The following SLC16A7 variants were observed in gnomAD, a reference collection of about 807,000 sequenced individuals.
SLC16A7 encodes monocarboxylate transporter 2.
In SLC16A7, 33 loss-of-function variants were observed where a neutral mutation model predicts 34.9. The ratio of observed to expected loss-of-function variants is 0.94; its 90% confidence interval spans 0.72 to 1.26. SLC16A7 has a LOEUF of 1.26. Ranked by LOEUF, SLC16A7 falls within the 50% of genes most tolerant of loss-of-function variation. The pLI is 0.00. For synonymous variants in SLC16A7, 201 were observed against 206.6 expected (o/e 0.97, Z 0.23); for missense variants, 573 against 578.1 (o/e 0.99, Z 0.09).
chr12:59,670,845 GC>G (rs1325359033), intron 2 of SLC16A7, among the ~76,000 whole-genome samples: 3 of 152,158 alleles, frequency 2.0e-5, no homozygotes, highest in Non-Finnish European at 2.9e-5. Flanking sequence ...CAGTAACTCT[GC>G]CCCCTCCACC....
At chr12:59,712,950 T>C (rs1190061253) in intron 3 of SLC16A7, among the ~76,000 whole-genome samples, 1 of 152,240 alleles carries the variant, frequency 6.6e-6, no homozygotes, top group Non-Finnish European at 1.5e-5. Context: ...CATGAAATGC[T>C]CTCGTGAACT....
At chr12:59,754,321 G>A (rs1285117885) in intron 3 of SLC16A7, among the ~76,000 whole-genome samples, 5 of 152,152 alleles carry the variant, frequency 3.3e-5, no homozygotes, top group East Asian at 3.9e-4. Context: ...TCCAGGAGCC[G>A]GTTTTTTGAA....
At chr12:59,630,287 A>G (rs1357979091) in intron 1 of SLC16A7, among the ~76,000 whole-genome samples, 1 of 151,910 alleles carries the variant, frequency 6.6e-6, no homozygotes, top group African/African-American at 2.4e-5. Context: ...TACTCTTAAA[A>G]TATGAACAGA....
At chr12:59,768,895 G>A (rs1410400436) in intron 3 of SLC16A7, among the ~76,000 whole-genome samples, 2 of 151,966 alleles carry the variant, frequency 1.3e-5, no homozygotes, top group African/African-American at 2.4e-5. Flanking sequence ...AGCTACTAGG[G>A]AGACTTAGTT....
chr12:59,722,311 C>T (rs756423405), intron 3 of SLC16A7, among the ~76,000 whole-genome samples: 1 of 152,044 alleles, frequency 6.6e-6, no homozygotes, highest in Non-Finnish European at 1.5e-5. Context: ...CACTTAATCA[C>T]TTCTCATCAC....
intron 3 of SLC16A7, among the ~76,000 whole-genome samples, chr12:59,766,449 A>G (rs1047053388): frequency 3.9e-5 from 6 of 152,232 alleles, no homozygotes; most frequent in African/African-American, 1.4e-4. Flanking sequence ...CCCATTCAGT[A>G]TGATATTGGC....
chr12:59,703,046 A>T (rs377631530), intron 2 of SLC16A7, among the ~76,000 whole-genome samples: 57 of 152,198 alleles, frequency 3.7e-4, no homozygotes, highest in African/African-American at 1.3e-3. Context: ...TATTTAGCAT[A>T]ATAAGTACAC....
At chr12:59,721,550 GTTA>G (rs1392538527) in intron 3 of SLC16A7, among the ~76,000 whole-genome samples, 9 of 152,058 alleles carry the variant, frequency 5.9e-5, no homozygotes, top group East Asian at 1.9e-4. Context: ...AATGGAAAAT[GTTA>G]TTTAGACCAA....
chr12:59,749,754 G>A (rs545740051), intron 3 of SLC16A7, among the ~76,000 whole-genome samples: 1 of 152,302 alleles, frequency 6.6e-6, no homozygotes, highest in East Asian at 1.9e-4. Flanking sequence ...ATTTATGATA[G>A]AGCCAATCAA....
chr12:59,721,402 C>T (rs1875572412), intron 3 of SLC16A7, among the ~76,000 whole-genome samples: 2 of 151,954 alleles, frequency 1.3e-5, no homozygotes, highest in Non-Finnish European at 2.9e-5. Flanking sequence ...TTCTCACCCC[C>T]TCAACTATTA....
intron 3 of SLC16A7, among the ~76,000 whole-genome samples, chr12:59,744,893 G>T (rs1878728051): frequency 6.6e-6 from 1 of 152,164 alleles, no homozygotes; most frequent in Non-Finnish European, 1.5e-5. Flanking sequence ...GGGTCCCAGT[G>T]AGTGGAGTTT....
intron 3 of SLC16A7, among the ~76,000 whole-genome samples, chr12:59,746,827 G>A (rs1878947148): frequency 6.6e-6 from 1 of 152,112 alleles, no homozygotes; most frequent in Non-Finnish European, 1.5e-5. Flanking sequence ...TTTTACTGTT[G>A]TTTGTATGTA....
chr12:59,620,027 G>A (rs893304187), intron 1 of SLC16A7, among the ~76,000 whole-genome samples: 1 of 151,908 alleles, frequency 6.6e-6, no homozygotes, highest in South Asian at 2.1e-4. Context: ...GATTCCACAC[G>A]TTAGCACTTA....
chr12:59,761,882 T>C (rs996772906), intron 3 of SLC16A7, among the ~76,000 whole-genome samples: 6 of 152,066 alleles, frequency 3.9e-5, no homozygotes, highest in Non-Finnish European at 7.4e-5. Context: ...CTGGGCATCA[T>C]TACAATATTT....
At chr12:59,762,339 G>A (rs10877334) in intron 3 of SLC16A7, among the ~76,000 whole-genome samples, 22,611 of 151,962 alleles carry the variant, frequency 0.15, 2,002 homozygotes, top group Non-Finnish European at 0.19. Flanking sequence ...ATATCGAAAT[G>A]GAATGTGTTA....
At chr12:59,620,400 C>T (rs572059498) in intron 1 of SLC16A7, among the ~76,000 whole-genome samples, 140 of 151,908 alleles carry the variant, frequency 9.2e-4, no homozygotes, top group Non-Finnish European at 1.5e-3. Flanking sequence ...AAGAGGAAGA[C>T]AGCAAAAAAA....
chr12:59,614,823 C>T (rs1459543163), intron 1 of SLC16A7, among the ~76,000 whole-genome samples: 15 of 38,784 alleles, frequency 3.9e-4, no homozygotes, highest in Non-Finnish European at 7.1e-4. Context: ...CCCATTCCTA[C>T]TAAAAAAAAA....
At chr12:59,764,768 T>C (rs1425468561) in intron 3 of SLC16A7, among the ~76,000 whole-genome samples, 2 of 152,228 alleles carry the variant, frequency 1.3e-5, no homozygotes, top group Admixed American at 1.3e-4. Flanking sequence ...GTCTTTGCTA[T>C]TGTGAATAGT....
At position 59,609,575 on chromosome 12, in the gene SLC16A7, C is replaced by A. The variant is rs540443857; in HGVS notation, c.-130+13339C>A. Among the ~76,000 whole-genome samples the A allele has an allele frequency of 1.9e-4, 29 of 152,028 alleles. No individual in the cohort carries two copies. In the South Asian group the frequency reaches 5.8e-3, roughly 31 times the overall value. On this transcript the variant is annotated intron_variant, in intron 1 of 5. Coordinates refer to ENST00000547379, the MANE Select transcript of SLC16A7 (RefSeq NM_001270623.2). ...TGGAGGGTGGAGAAAGTGAGAGAGA[C>A]CTTGTGGATCCTTCTGAATGTCAAA... is the stretch of plus-strand genomic sequence containing the variant.
Sources: gnomAD v4.1 joint callset for allele counts (sites outside exome capture counted in the v4.1 genomes callset) on GRCh38, gnomAD v4.1.1 for gene constraint, MANE v1.5 for transcripts, NCBI Gene and HGNC (gene_info 2026-07-23, HGNC 2026-07-21) for gene names.